ZC3H15: variants seen among roughly 807,000 people sequenced by gnomAD.
ZC3H15 encodes zinc finger CCCH domain-containing protein 15.
ZC3H15 carries 15 observed loss-of-function variants against 51.2 expected under a neutral mutation model. That is an observed-to-expected ratio of 0.29 (90% CI 0.20 to 0.45). The LOEUF (loss-of-function observed/expected upper bound fraction) is 0.45. Ranked by LOEUF, ZC3H15 falls within the 20% of genes least tolerant of loss-of-function variation. ZC3H15 has a pLI of 1.00. For synonymous variants in ZC3H15, 144 were observed against 162.8 expected (o/e 0.88, Z 0.88); for missense variants, 381 against 494.7 (o/e 0.77, Z 2.18).
chr2:186,495,121 TTTATA>T, intron 1 of ZC3H15, 107 bp from the exon 2 acceptor site: 4 of 621,386 alleles, frequency 6.4e-6, no homozygotes, highest in Non-Finnish European at 1.1e-5. Context: ...TTTGCATGTT[TTTATA>T]TTAGTAAAGA....
chr2:186,497,144 C>T (rs1408916390), intron 2 of ZC3H15: 3 of 442,216 alleles, frequency 6.8e-6, no homozygotes, highest in Non-Finnish European at 1.3e-5. Context: ...CATTTTTCCA[C>T]CATTTTTATC....
At chr2:186,492,547 G>A (rs1388779833) in intron 1 of ZC3H15, among the ~76,000 whole-genome samples, 1 of 152,122 alleles carries the variant, frequency 6.6e-6, no homozygotes, top group Non-Finnish European at 1.5e-5. Flanking sequence ...TTTGGTATAT[G>A]GATATAGATG....
chr2:186,499,673 C>A (rs561293775), intron 2 of ZC3H15: 1 of 436,684 alleles, frequency 2.3e-6, no homozygotes, highest in African/African-American at 2.0e-5. Context: ...GTATGTAAAT[C>A]GTGTGCCTGG....
rs528026802 is a variant in ZC3H15, at chr2:186,490,994, T to G, written c.76-4239T>G. Among the ~76,000 whole-genome samples the G allele has an allele frequency of 9.2e-5, 14 of 152,316 alleles. 1 individual carries two copies. Among genetic ancestry groups the G allele is most frequent in the African/African-American group, 3.1e-4 (13 of 41,568 alleles). On this transcript the variant is annotated intron_variant, in intron 1 of 9. Coordinates refer to ENST00000337859, the MANE Select transcript of ZC3H15 (RefSeq NM_018471.3). ...GTTTGGGGTTGACTGTAACCTCCTT[T>G]TTTTCTACCTTGTAATTCAGGTTAA...
chr2:186,498,913 A>G (rs949061451), intron 2 of ZC3H15, among the ~76,000 whole-genome samples: 1 of 152,158 alleles, frequency 6.6e-6, no homozygotes, highest in Non-Finnish European at 1.5e-5. Flanking sequence ...AGTGGAATCA[A>G]TATGCATGTC....
chr2:186,505,350 A>G, intron 6 of ZC3H15, 101 bp from the exon 7 acceptor site: 1 of 1,357,186 alleles, frequency 7.4e-7, no homozygotes. Context: ...TATCTTCAGG[A>G]TAGTCATGGG....
chr2:186,496,495 C>G (rs1685284760), intron 2 of ZC3H15, among the ~76,000 whole-genome samples: 1 of 152,226 alleles, frequency 6.6e-6, no homozygotes, highest in South Asian at 2.1e-4. Context: ...AGCCACCATG[C>G]CCAGACTAAG....
At chr2:186,503,345 A>T (rs7586276) in intron 5 of ZC3H15, among the ~76,000 whole-genome samples, 12 of 151,986 alleles carry the variant, frequency 7.9e-5, no homozygotes, top group Admixed American at 2.0e-4. Context: ...ATTTTTATTT[A>T]GGAAAGATCA....
At chr2:186,499,145 T>C (rs1487353795) in intron 2 of ZC3H15, among the ~76,000 whole-genome samples, 1 of 152,210 alleles carries the variant, frequency 6.6e-6, no homozygotes, top group Non-Finnish European at 1.5e-5. Context: ...TTCTCCATCC[T>C]TACCAGTAAT....
At chr2:186,505,254 T>A (rs1475657417) in intron 6 of ZC3H15, 197 bp from the exon 7 acceptor site, 1 of 384,252 alleles carries the variant, frequency 2.6e-6, no homozygotes, top group African/African-American at 2.1e-5. Context: ...GAATAATATA[T>A]TTTTAGTGTT....
intron 1 of ZC3H15, 127 bp downstream of exon 1, chr2:186,486,584 C>A: frequency 1.1e-6 from 1 of 947,340 alleles, no homozygotes; most frequent in Non-Finnish European, 1.5e-6. Flanking sequence ...CTGTGTGGCC[C>A]ACTGCCCCTT....
intron 1 of ZC3H15, among the ~76,000 whole-genome samples, chr2:186,493,153 A>ATG (rs1442243640): frequency 9.9e-5 from 15 of 152,012 alleles, no homozygotes; most frequent in African/African-American, 3.6e-4. Flanking sequence ...GGGAAGCACT[A>ATG]GGTAATACAG....
At position 186,486,280 on chromosome 2, in the gene ZC3H15, C is replaced by T. The variant is rs1685089665; in HGVS notation, c.-103C>T. The T allele has an allele frequency of 2.1e-5, 26 of 1,256,558 alleles. No individual in the cohort carries two copies. The highest frequency in any genetic ancestry group is 2.5e-5 in the Non-Finnish European group (24 of 949,474). The allele number at this position is 1,256,558 out of a possible 1,614,324, so 77.8% of individuals were successfully genotyped here. On this transcript the variant is annotated 5_prime_UTR_variant, in exon 1 of 10. Coordinates refer to ENST00000337859, the MANE Select transcript of ZC3H15 (RefSeq NM_018471.3). ...TGAGCGACTCGCTTTCCGTGCGGTGCGGCGAGTGAGGCCCCGGTCTTCCTC... is the reference window on the plus strand; with the variant it reads ...TGAGCGACTCGCTTTCCGTGCGGTGTGGCGAGTGAGGCCCCGGTCTTCCTC...
chr2:186,488,458 A>G (rs1685140637), intron 1 of ZC3H15, among the ~76,000 whole-genome samples: 1 of 152,150 alleles, frequency 6.6e-6, no homozygotes, highest in African/African-American at 2.4e-5. Context: ...CTTTCACACC[A>G]TGCAGTGTTT....
At chr2:186,487,869 A>G (rs916466965) in intron 1 of ZC3H15, among the ~76,000 whole-genome samples, 1 of 152,108 alleles carries the variant, frequency 6.6e-6, no homozygotes, top group African/African-American at 2.4e-5. Context: ...CTCTATATCT[A>G]ATTGTTTTAT....
rs1204233387 is a variant in ZC3H15 at position 186,502,478 on chromosome 2, C to G, written c.443-18C>G. 3.8e-6 allele frequency: 6 copies of G among 1,588,566 alleles called. No individual in the cohort carries two copies. The highest frequency in any genetic ancestry group is 5.2e-6 in the Non-Finnish European group (6 of 1,162,228). On this transcript the variant is annotated intron_variant, in intron 4 of 9. Transcript: ENST00000337859. Reference sequence around the variant, plus strand: ...AGTAGATAAGATTACAGTATTTAATCTTCATTTCTTTATTTAGATACTATG... The same window carrying G: ...AGTAGATAAGATTACAGTATTTAATGTTCATTTCTTTATTTAGATACTATG...
chr2:186,486,936 G>A (rs1685106022), intron 1 of ZC3H15: 1 of 156,000 alleles, frequency 6.4e-6, no homozygotes, highest in Admixed American at 6.5e-5. Flanking sequence ...ACGACTTGGT[G>A]GCTTTTTCGA....
intron 9 of ZC3H15, 132 bp from the exon 10 acceptor site, chr2:186,508,411 G>C: frequency 1.3e-6 from 1 of 747,194 alleles, no homozygotes; most frequent in Non-Finnish European, 2.2e-6. Context: ...TCTTGCTGGA[G>C]TAATTCTGGG....
intron 2 of ZC3H15, among the ~76,000 whole-genome samples, chr2:186,499,356 A>G (rs572815528): frequency 6.6e-6 from 1 of 152,272 alleles, no homozygotes; most frequent in East Asian, 1.9e-4. Context: ...CATCTTACTG[A>G]TGTTTCTCAT....
Sources: allele counts gnomAD v4.1 joint callset (sites outside exome capture counted in the v4.1 genomes callset), GRCh38; gene constraint gnomAD v4.1.1; transcripts MANE v1.5; gene names NCBI Gene and HGNC (gene_info 2026-07-23, HGNC 2026-07-21).